Variants in CEP112 observed in about 807,000 individuals in gnomAD.
The protein encoded by CEP112 is centrosomal protein of 112 kDa.
Under a neutral mutation model 153.0 loss-of-function variants are expected in CEP112, and 127 were observed. The observed-to-expected ratio is 0.83, with a 90% CI of 0.72 to 0.96. The LOEUF (loss-of-function observed/expected upper bound fraction) is 0.96. Among genes scored for constraint, CEP112 ranks in the 40% least tolerant of loss-of-function variants. The pLI is 0.00. For missense variants in CEP112, 1,089 were observed against 1,101.2 expected (o/e 0.99, Z 0.16); for synonymous variants, 358 against 374.4 (o/e 0.96, Z 0.51).
chr17:66,124,289 G>A (rs2069736175), intron 6 of CEP112, among the ~76,000 whole-genome samples: 1 of 152,088 alleles, frequency 6.6e-6, no homozygotes. Flanking sequence ...CTGGCTCTGA[G>A]AGCTTCTTTT....
At chr17:66,186,512 A>C (rs923139686) in intron 1 of CEP112, among the ~76,000 whole-genome samples, 13 of 151,914 alleles carry the variant, frequency 8.6e-5, no homozygotes, top group Admixed American at 3.3e-4. Context: ...GCTGGTCTTG[A>C]TCTCCTGACC....
chr17:65,745,006 A>G (rs776751171), intron 22 of CEP112, among the ~76,000 whole-genome samples: 3 of 152,204 alleles, frequency 2.0e-5, no homozygotes, highest in Non-Finnish European at 4.4e-5. Context: ...TTTGGTGACA[A>G]AACAAGATTA....
intron 4 of CEP112, among the ~76,000 whole-genome samples, chr17:66,138,927 A>C (rs955914054): frequency 6.6e-6 from 1 of 152,124 alleles, no homozygotes; most frequent in African/African-American, 2.4e-5. Context: ...AAACATCTTG[A>C]GACAAATGAA....
chr17:65,653,179 T>C (rs761503318), intron 24 of CEP112, among the ~76,000 whole-genome samples: 1 of 152,196 alleles, frequency 6.6e-6, no homozygotes, highest in African/African-American at 2.4e-5. Context: ...CAAACATTCA[T>C]TGTATAGCAG....
intron 21 of CEP112, among the ~76,000 whole-genome samples, chr17:65,796,205 C>T (rs1220370588): frequency 6.6e-6 from 1 of 152,142 alleles, no homozygotes; most frequent in Non-Finnish European, 1.5e-5. Context: ...CTAATGATGG[C>T]TTCTGTAACA....
chr17:66,119,321 C>T (rs796141623), intron 6 of CEP112, among the ~76,000 whole-genome samples: 43 of 152,292 alleles, frequency 2.8e-4, no homozygotes, highest in African/African-American at 9.9e-4. Flanking sequence ...ACATCCTGCA[C>T]ATGTACCCCA....
At position 66,176,475 on chromosome 17, in the gene CEP112, T is replaced by A. The variant is rs571572304; in HGVS notation, c.297+355A>T. Among the ~76,000 whole-genome samples the A allele has an allele frequency of 1.1e-4, 16 of 152,266 alleles. No homozygotes were observed. The East Asian group carries it at 2.9e-3, about 28-fold the overall frequency. On this transcript the variant is annotated intron_variant, in intron 3 of 26. Coordinates refer to ENST00000535342, the MANE Select transcript of CEP112 (RefSeq NM_001199165.4). ...CTCCAACCTCTCATAAACGTTTAAATAATATATATGAAAGAGTTTAAAAAC... is the reference window on the plus strand; with the variant it reads ...CTCCAACCTCTCATAAACGTTTAAAAAATATATATGAAAGAGTTTAAAAAC...
intron 4 of CEP112, among the ~76,000 whole-genome samples, chr17:66,147,025 A>G (rs1024713185): frequency 5.3e-5 from 8 of 152,174 alleles, no homozygotes; most frequent in African/African-American, 1.9e-4. Context: ...ATGTAAAAAG[A>G]ATTCCCAGAA....
chr17:65,750,977 A>T, intron 21 of CEP112: 1 of 406,106 alleles, frequency 2.5e-6, no homozygotes, highest in Admixed American at 4.1e-5. Flanking sequence ...AAAGGGAGAA[A>T]GAGAGACAGA....
intron 11 of CEP112, 84 bp from the exon 12 acceptor site, chr17:66,053,963 T>G: frequency 9.3e-7 from 1 of 1,078,362 alleles, no homozygotes; most frequent in East Asian, 2.5e-5. Context: ...GGTTTCTATA[T>G]TCCTCTATTT....
In CEP112 at chr17:66,132,663, A is replaced by C. The variant is rs2070241599; in HGVS notation, c.564+7T>G. On this transcript the variant is annotated splice_region_variant and intron_variant, in intron 5 of 26. Transcript: ENST00000535342. ...AAAAACCAAACAAAAGTAAAATCTAATCTTACACAAATCTTTGGGGTAATA... is the reference window on the plus strand; with the variant it reads ...AAAAACCAAACAAAAGTAAAATCTACTCTTACACAAATCTTTGGGGTAATA... The C allele has an allele frequency of 6.3e-7, 1 of 1,598,556 alleles. No individual in the cohort carries two copies. The highest frequency in any genetic ancestry group is 2.2e-5 in the East Asian group (1 of 44,794).
At chr17:66,041,352 C>A (rs9904668) in intron 12 of CEP112, among the ~76,000 whole-genome samples, 78,500 of 149,164 alleles carry the variant, frequency 0.53, 21,164 homozygotes, top group African/African-American at 0.59. Flanking sequence ...TATTAAAAAA[C>A]ACCTTTAAGC....
At chr17:66,076,623 A>C (rs7210760) in intron 8 of CEP112, among the ~76,000 whole-genome samples, 151,968 of 152,218 alleles carry the variant, frequency 1, 75,860 homozygotes, top group Middle Eastern at 1. Context: ...CCCTATCCAC[A>C]CTGGTAGCTG....
At position 65,640,979 on chromosome 17, in the gene CEP112, G is replaced by A. The variant is rs2045100439; in HGVS notation, c.2784C>T (p.Ser928=). The change falls in exon 25 of 27, where the codon TCC becomes TCT. Residue 928 remains serine (S), a synonymous_variant. Transcript: ENST00000535342. ...SLRQELEDTI[S]SLKSQVNFLQ... is the part of the protein sequence containing the mutation. Reference sequence around the variant, plus strand: ...TAGTAATTACCTGTGATTTTAGGGAGGAAATGGTGTCTTCAAGTTCTTGTC... The same window carrying A: ...TAGTAATTACCTGTGATTTTAGGGAAGAAATGGTGTCTTCAAGTTCTTGTC... 3.1e-6 allele frequency: 5 copies of A among 1,596,038 alleles called. No homozygotes were observed. Among genetic ancestry groups the A allele is most frequent in the East Asian group, 4.5e-5 (2 of 44,734 alleles).
At chr17:65,734,975 ATTTG>A (rs1459420306) in intron 23 of CEP112, among the ~76,000 whole-genome samples, 1 of 152,148 alleles carries the variant, frequency 6.6e-6, no homozygotes, top group African/African-American at 2.4e-5. Context: ...GGTGTTTGTC[ATTTG>A]GAAAACATGG....
chr17:65,953,747 T>G (rs1412534385), intron 18 of CEP112, among the ~76,000 whole-genome samples: 2 of 151,934 alleles, frequency 1.3e-5, no homozygotes, highest in Non-Finnish European at 2.9e-5. Context: ...CCCCTGGAAA[T>G]ATAACTCCAC....
At chr17:65,967,643 G>C (rs547104600) in intron 17 of CEP112, among the ~76,000 whole-genome samples, 1 of 152,090 alleles carries the variant, frequency 6.6e-6, no homozygotes, top group African/African-American at 2.4e-5. Flanking sequence ...TGAAGTAAGA[G>C]GCTATATAAG....
At chr17:66,040,188 G>A (rs1054451821) in intron 12 of CEP112, among the ~76,000 whole-genome samples, 2 of 152,128 alleles carry the variant, frequency 1.3e-5, no homozygotes, top group Admixed American at 6.5e-5. Context: ...TGAGACTTCA[G>A]ACTATTCTGT....
chr17:65,954,393 AG>A (rs1381061418), intron 18 of CEP112, among the ~76,000 whole-genome samples: 1 of 152,192 alleles, frequency 6.6e-6, no homozygotes, highest in Non-Finnish European at 1.5e-5. Context: ...CCTCTGACAT[AG>A]TCTACCCAAA....
Sources: allele counts gnomAD v4.1 joint callset (sites outside exome capture counted in the v4.1 genomes callset), GRCh38; gene constraint gnomAD v4.1.1; transcripts MANE v1.5; gene names NCBI Gene and HGNC (gene_info 2026-07-23, HGNC 2026-07-21).